SYN3: variants seen among roughly 807,000 people sequenced by gnomAD.
The protein encoded by SYN3 is synapsin III, also known as synapsin-3.
Under a neutral mutation model 65.8 loss-of-function variants are expected in SYN3, and 35 were observed. The observed-to-expected ratio is 0.53, with a 90% CI of 0.41 to 0.70. The LOEUF (loss-of-function observed/expected upper bound fraction) is 0.70, where lower values mean the gene tolerates loss of function less well. Among genes scored for constraint, SYN3 ranks in the 30% least tolerant of loss-of-function variants. The pLI is 0.00. For missense variants in SYN3, 680 were observed against 749.0 expected (o/e 0.91, Z 1.08); for synonymous variants, 270 against 292.9 (o/e 0.92, Z 0.80).
intron 6 of SYN3, among the ~76,000 whole-genome samples, chr22:32,654,791 T>C (rs2060120091): frequency 6.6e-6 from 1 of 152,246 alleles, no homozygotes; most frequent in Non-Finnish European, 1.5e-5. Context: ...AGCCATTTGC[T>C]GCTGCTACTC....
At chr22:32,984,338 G>A (rs1365209902) in intron 2 of SYN3, among the ~76,000 whole-genome samples, 1 of 152,160 alleles carries the variant, frequency 6.6e-6, no homozygotes, top group Non-Finnish European at 1.5e-5. Context: ...AGGATTGCCA[G>A]CTCTTGGTTC....
intron 4 of SYN3, among the ~76,000 whole-genome samples, chr22:32,903,005 G>C (rs998814725): frequency 1.2e-4 from 18 of 152,068 alleles, no homozygotes; most frequent in Non-Finnish European, 2.6e-4. Flanking sequence ...ACGGTGGTTT[G>C]GATTCAGAAT....
intron 6 of SYN3, among the ~76,000 whole-genome samples, chr22:32,827,489 C>T (rs1300178459): frequency 3.3e-5 from 5 of 152,184 alleles, no homozygotes; most frequent in Non-Finnish European, 5.9e-5. Flanking sequence ...TACCTCCTCC[C>T]GTACCTCTGG....
intron 4 of SYN3, among the ~76,000 whole-genome samples, chr22:32,891,348 T>C (rs2049440603): frequency 6.6e-6 from 1 of 152,174 alleles, no homozygotes; most frequent in South Asian, 2.1e-4. Flanking sequence ...CAACACTTTC[T>C]GTTGCTTGTG....
At position 32,809,845 on chromosome 22, in the gene SYN3, C is replaced by T. The variant is rs996760975; in HGVS notation, c.711+55070G>A. Among the ~76,000 whole-genome samples, 11 of 152,154 alleles carry T rather than the reference C, an allele frequency of 7.2e-5. No homozygotes were observed. The East Asian group carries it at 7.7e-4, about 11-fold the overall frequency. On this transcript the variant is annotated intron_variant, in intron 6 of 13. Coordinates refer to ENST00000358763, the MANE Select transcript of SYN3 (RefSeq NM_003490.4). ...ATAGCTCCTGGCTTCTTTGGTATATCGCTGTCCTTTGCCCCTCCTGAGAAT... is the reference window on the plus strand; with the variant it reads ...ATAGCTCCTGGCTTCTTTGGTATATTGCTGTCCTTTGCCCCTCCTGAGAAT...
chr22:32,859,660 G>T (rs1309931417), intron 6 of SYN3: 55 of 415,696 alleles, frequency 1.3e-4, no homozygotes, highest in East Asian at 1.8e-4. Flanking sequence ...TCTTCTTCGT[G>T]ATAATATAAT....
intron 2 of SYN3, among the ~76,000 whole-genome samples, chr22:32,996,098 G>A (rs55790278): frequency 0.014 from 2,066 of 152,138 alleles, 52 homozygotes; most frequent in African/African-American, 0.047. Context: ...TCTCTTCCAG[G>A]GCATCCTCAA....
At chr22:32,875,022 G>C (rs928410457) in intron 4 of SYN3, among the ~76,000 whole-genome samples, 1 of 152,214 alleles carries the variant, frequency 6.6e-6, no homozygotes, top group Non-Finnish European at 1.5e-5. Flanking sequence ...AAATGTGCAC[G>C]CTTTGCAGAT....
chr22:32,919,125 A>G (rs1014253868), intron 4 of SYN3, among the ~76,000 whole-genome samples: 1 of 152,056 alleles, frequency 6.6e-6, no homozygotes, highest in Non-Finnish European at 1.5e-5. Flanking sequence ...CCTTCCCCTC[A>G]TTTGGCCCCC....
At chr22:32,552,506 T>C (rs1159555875) in intron 7 of SYN3, among the ~76,000 whole-genome samples, 5 of 151,840 alleles carry the variant, frequency 3.3e-5, no homozygotes, top group African/African-American at 1.2e-4. Flanking sequence ...TTTGTATATA[T>C]TTGAAACTTT....
intron 1 of SYN3, among the ~76,000 whole-genome samples, chr22:33,033,598 C>T (rs2053794783): frequency 6.6e-6 from 1 of 152,136 alleles, no homozygotes; most frequent in Admixed American, 6.6e-5. Flanking sequence ...GTCTCACTGC[C>T]TCACCCAGGG....
At chr22:32,809,766 G>T (rs1427360283) in intron 6 of SYN3, among the ~76,000 whole-genome samples, 1 of 152,164 alleles carries the variant, frequency 6.6e-6, no homozygotes. Context: ...TTTTCTCATG[G>T]GTTCCTGGGT....
intron 10 of SYN3, among the ~76,000 whole-genome samples, chr22:32,530,713 T>C (rs896771838): frequency 2.0e-5 from 3 of 151,954 alleles, no homozygotes; most frequent in African/African-American, 7.2e-5. Context: ...AGCTTAAGAA[T>C]GTGAATACTG....
rs116834396 is a variant in SYN3 at position 33,042,871 on chromosome 22, C to T, written c.-163+15421G>A. On this transcript the variant is annotated intron_variant, in intron 1 of 13. Transcript: ENST00000358763. ...TTAGCTAAAGTAGTGCTCCATGAAG[C>T]CCTGGCCAAAGGATCCCTGAGCTGC... Among the ~76,000 whole-genome samples the T allele has an allele frequency of 3.2e-3, 484 of 152,264 alleles. 2 individuals carry two copies. Among genetic ancestry groups the T allele is most frequent in the African/African-American group, 0.011 (470 of 41,542 alleles).
intron 6 of SYN3, among the ~76,000 whole-genome samples, chr22:32,599,196 ATTAC>A (rs936181510): frequency 5.3e-5 from 8 of 152,204 alleles, no homozygotes; most frequent in African/African-American, 1.9e-4. Context: ...CCTGGTGGTT[ATTAC>A]TTGTTAACTT....
At chr22:32,701,917 C>A (rs2060815286) in intron 6 of SYN3, among the ~76,000 whole-genome samples, 1 of 152,028 alleles carries the variant, frequency 6.6e-6, no homozygotes, top group Non-Finnish European at 1.5e-5. Flanking sequence ...GCTCAATGAA[C>A]CTGAAATAAG....
At chr22:32,809,020 G>A (rs1218080167) in intron 6 of SYN3, among the ~76,000 whole-genome samples, 1 of 152,164 alleles carries the variant, frequency 6.6e-6, no homozygotes, top group Non-Finnish European at 1.5e-5. Context: ...GAAGAAAGTG[G>A]AGATTTCTAA....
intron 3 of SYN3, among the ~76,000 whole-genome samples, chr22:32,953,824 T>C (rs1344996132): frequency 3.9e-5 from 6 of 152,190 alleles, no homozygotes. Flanking sequence ...ATTCTCCTCC[T>C]CATCCCCCTC....
intron 12 of SYN3, among the ~76,000 whole-genome samples, chr22:32,522,981 A>G (rs2057912647): frequency 6.6e-6 from 1 of 152,126 alleles, no homozygotes; most frequent in Non-Finnish European, 1.5e-5. Flanking sequence ...CAGTTTGCAG[A>G]TACTGTGTTT....
Sources: gnomAD v4.1 joint callset for allele counts (sites outside exome capture counted in the v4.1 genomes callset) on GRCh38, gnomAD v4.1.1 for gene constraint, MANE v1.5 for transcripts, NCBI Gene and HGNC (gene_info 2026-07-23, HGNC 2026-07-21) for gene names.